Variants in ACTL6B observed in about 807,000 individuals in gnomAD.
ACTL6B encodes the protein actin-like protein 6B.
In ACTL6B, 48 loss-of-function variants were observed where a neutral mutation model predicts 63.3. The ratio of observed to expected loss-of-function variants is 0.76; its 90% CI spans 0.60 to 0.96. The LOEUF is 0.96. ACTL6B is among the 50% of genes least tolerant of loss of function. ACTL6B has a pLI of 0.00. For synonymous variants in ACTL6B, 230 were observed against 223.8 expected (o/e 1.03, Z -0.25); for missense variants, 350 against 572.2 (o/e 0.61, Z 3.96).
rs374404962 is a variant in ACTL6B at position 100,655,619 on chromosome 7, G to A, written c.103-33C>T. 1.0e-5 allele frequency: 16 copies of A among 1,596,592 alleles called. No individual in the cohort carries two copies. The highest frequency in any genetic ancestry group is 1.4e-5 in the Non-Finnish European group (16 of 1,171,954). ...GGAAGGGTTGGGGGAGTATTGGCAGGGAGAGAGGTCACCCTCTTGCCCCTG... is the reference window on the plus strand; with the variant it reads ...GGAAGGGTTGGGGGAGTATTGGCAGAGAGAGAGGTCACCCTCTTGCCCCTG... On this transcript the variant is annotated intron_variant, in intron 2 of 13. Coordinates refer to ENST00000160382, the MANE Select transcript of ACTL6B (RefSeq NM_016188.5). The surrounding 1 kb of genome is among the most constrained non-coding windows in gnomAD (Gnocchi z 4.4).
Position 100,655,819 on chromosome 7 carries a change from C to A in ACTL6B, c.86G>T (p.Gly29Val). 6.4e-7 allele frequency: 1 copy of A among 1,572,938 alleles called. No homozygotes were observed. Among genetic ancestry groups the A allele is most frequent in the Non-Finnish European group, 8.6e-7 (1 of 1,158,622 alleles). The part of the protein sequence containing the change: ...GSFSVRAGYA[G>V]EDCPKADFPT... ...AAGGCTCACCTTGGGACAGTCCTCC[C>A]CAGCGTACCCAGCGCGGACTGAGAA... Residue 29 changes from glycine (G) to valine (V), a missense_variant, in exon 2 of 14, where the codon GGG (glycine) becomes GTG (valine). Gly to Val is a moderately radical substitution (Grantham distance 109). Transcript: ENST00000160382. The surrounding 1 kb of genome is among the most constrained non-coding windows in gnomAD (Gnocchi z 4.4).
In ACTL6B at chr7:100,648,774, G is replaced by A. The variant is rs1293837515; in HGVS notation, c.517C>T (p.His173Tyr). The stretch of plus-strand genomic sequence containing the variant: ...TCATGTACTGGAATGGCCGTGGTGT[G>A]GGTGGCTCCACTGTCCAGCACGAGG... Reference protein sequence around the residue: ...TGLVLDSGATHTTAIPVHDGY... With the variant: ...TGLVLDSGATYTTAIPVHDGY... The change falls in exon 6 of 14, where the codon CAC becomes TAC. Residue 173 changes from histidine (H) to tyrosine (Y), a missense_variant. By Grantham distance (83) the His-to-Tyr change is moderately conservative. Coordinates refer to ENST00000160382, the MANE Select transcript of ACTL6B (RefSeq NM_016188.5). The surrounding 1 kb of genome is among the most constrained non-coding windows in gnomAD (Gnocchi z 4.4). 1 of 1,614,058 alleles carries A rather than the reference G, an allele frequency of 6.2e-7. No homozygotes were observed. Among genetic ancestry groups the A allele is most frequent in the African/African-American group, 1.3e-5 (1 of 75,046 alleles).
rs1183006213 is a variant in ACTL6B at position 100,647,754 on chromosome 7, G to A, written c.670-221C>T. On this transcript the variant is annotated intron_variant, in intron 7 of 13. Coordinates refer to ENST00000160382, the MANE Select transcript of ACTL6B (RefSeq NM_016188.5). The surrounding 1 kb of genome is among the most constrained non-coding windows in gnomAD (Gnocchi z 4.4). The stretch of plus-strand genomic sequence containing the variant: ...ATGCGGTGGGTGCAGCTGATCTGGA[G>A]AACACCAGGAATACAGCAGTGACAG... 1 of 526,684 alleles carries A rather than the reference G, an allele frequency of 1.9e-6. No homozygotes were observed. Among genetic ancestry groups the A allele is most frequent in the African/African-American group, 1.9e-5 (1 of 52,830 alleles). The allele number at this position is 526,684 out of a possible 1,614,324, so 32.6% of individuals were successfully genotyped here. A position where few individuals can be genotyped will look rare whatever the true frequency, so the allele number is the denominator to read the frequency against.
intron 1 of ACTL6B, 75 bp downstream of exon 1, chr7:100,656,255 G>C: frequency 7.4e-7 from 1 of 1,357,610 alleles, no homozygotes; most frequent in Non-Finnish European, 9.5e-7. Flanking sequence ...AGGCCCCGGG[G>C]TGCCCAGAGC....
intron 13 of ACTL6B, among the ~76,000 whole-genome samples, chr7:100,644,393 C>T (rs1803781143): frequency 6.6e-6 from 1 of 152,162 alleles, no homozygotes; most frequent in South Asian, 2.1e-4. Flanking sequence ...CACTAGCTTC[C>T]TGTAGCTCAC....
intron 4 of ACTL6B, among the ~76,000 whole-genome samples, chr7:100,653,967 A>C (rs1803988068): frequency 6.6e-6 from 1 of 151,500 alleles, no homozygotes; most frequent in African/African-American, 2.4e-5. Flanking sequence ...TTTTTAAATG[A>C]GGTTTTAAAT....
intron 13 of ACTL6B, among the ~76,000 whole-genome samples, chr7:100,645,404 A>G (rs562171793): frequency 4.4e-4 from 67 of 152,098 alleles, no homozygotes; most frequent in African/African-American, 1.5e-3. Context: ...ACTGCTACCC[A>G]TGCTATGACT....
intron 4 of ACTL6B, among the ~76,000 whole-genome samples, chr7:100,652,074 T>A (rs1803949565): frequency 1.3e-5 from 2 of 152,184 alleles, no homozygotes; most frequent in South Asian, 2.1e-4. Context: ...ACCAGGTCAG[T>A]GGGCTCCTGA....
intron 4 of ACTL6B, among the ~76,000 whole-genome samples, chr7:100,650,905 ATAAT>A (rs1186967547): frequency 6.6e-6 from 1 of 152,204 alleles, no homozygotes; most frequent in Non-Finnish European, 1.5e-5. Context: ...AGAGAAATAA[ATAAT>A]TAAATAAATA....
In ACTL6B at chr7:100,650,024, A is replaced by T; in HGVS notation, c.467+14T>A. The T allele has an allele frequency of 6.2e-7, 1 of 1,612,592 alleles. No homozygotes were observed. The highest frequency in any genetic ancestry group is 2.2e-5 in the East Asian group (1 of 44,844). The stretch of plus-strand genomic sequence containing the variant: ...GCCCTCCACCCAGTCAGAGCAGCTC[A>T]GTCCAGAGGATACGCGGTGAGCACA... On this transcript the variant is annotated intron_variant, in intron 5 of 13. Transcript: ENST00000160382.
chr7:100,648,537 A>G lies in ACTL6B; in HGVS notation c.669+19T>C, dbSNP rs1437113342. 3 of 1,568,120 alleles carry G rather than the reference A, an allele frequency of 1.9e-6. No homozygotes were observed. In the East Asian group the frequency reaches 6.9e-5, roughly 36 times the overall value. ...TGGCCAGGACTCTAGTGGCAGCTCC[A>G]TGTCCCCAGAGGCCCCACCTTGGCT... On this transcript the variant is annotated intron_variant, in intron 7 of 13. Transcript: ENST00000160382. The surrounding 1 kb of genome is among the most constrained non-coding windows in gnomAD (Gnocchi z 4.4).
At position 100,655,927 on chromosome 7, in the gene ACTL6B, C is replaced by A; in HGVS notation, c.26-48G>T. On this transcript the variant is annotated intron_variant, in intron 1 of 13. Transcript: ENST00000160382. This position sits in a 1 kb window ranked among gnomAD's most constrained non-coding sequence, Gnocchi z 4.4. ...AAGGGGACCTCCCCCGAACTCTCTCCCGCTAGGTAGCTCCGAGAGAAAGTC... is the reference window on the plus strand; with the variant it reads ...AAGGGGACCTCCCCCGAACTCTCTCACGCTAGGTAGCTCCGAGAGAAAGTC... 1 of 1,527,050 alleles carries A rather than the reference C, an allele frequency of 6.5e-7. No homozygotes were observed. 94.6% of individuals were successfully genotyped at this position (1,527,050 alleles called of 1,614,324 possible). A position where few individuals can be genotyped will look rare whatever the true frequency, so the allele number is the denominator to read the frequency against.
chr7:100,655,803 C>T lies in ACTL6B; in HGVS notation c.102G>A (p.Lys34=), dbSNP rs760970460. ...RAGYAGEDCP[K]ADFPTTVGLL... ...TTGGAGAGGAGACTGGAAGGCTCACCTTGGGACAGTCCTCCCCAGCGTACC... is the reference window on the plus strand; with the variant it reads ...TTGGAGAGGAGACTGGAAGGCTCACTTTGGGACAGTCCTCCCCAGCGTACC... The change falls in exon 2 of 14, where the codon AAG becomes AAA. Residue 34 remains lysine (K), a splice_region_variant and synonymous_variant. Coordinates refer to ENST00000160382, the MANE Select transcript of ACTL6B (RefSeq NM_016188.5). This position sits in a 1 kb window ranked among gnomAD's most constrained non-coding sequence, Gnocchi z 4.4. The T allele has an allele frequency of 6.4e-7, 1 of 1,566,974 alleles. No individual in the cohort carries two copies. The highest frequency in any genetic ancestry group is 8.7e-7 in the Non-Finnish European group (1 of 1,155,282).
chr7:100,643,622 C>G (rs1803764041), intron 13 of ACTL6B, among the ~76,000 whole-genome samples: 1 of 152,184 alleles, frequency 6.6e-6, no homozygotes, highest in Non-Finnish European at 1.5e-5. Flanking sequence ...GCACGCACAG[C>G]CCCAGGCCAG....
chr7:100,646,514 G>A lies in ACTL6B; in HGVS notation c.1113+37C>T, dbSNP rs201234711. 751 of 1,596,396 alleles carry A rather than the reference G, an allele frequency of 4.7e-4. No homozygotes were observed. The highest frequency in any genetic ancestry group is 6.0e-4 in the Non-Finnish European group (696 of 1,164,154). On this transcript the variant is annotated intron_variant, in intron 12 of 13. Transcript: ENST00000160382. This position sits in a 1 kb window ranked among gnomAD's most constrained non-coding sequence, Gnocchi z 6.1. ...CAGTCCTGGACAGCTGAGCCAGGAC[G>A]GGTGTCCAGGGCTCTGGGTCAGGGG...
At chr7:100,644,710 G>A (rs898872375) in intron 13 of ACTL6B, among the ~76,000 whole-genome samples, 2 of 150,364 alleles carry the variant, frequency 1.3e-5, no homozygotes, top group African/African-American at 4.9e-5. Flanking sequence ...GCCTCTCAAA[G>A]TGCTGGGATT....
At chr7:100,650,945 A>G (rs1320398613) in intron 4 of ACTL6B, among the ~76,000 whole-genome samples, 2 of 152,202 alleles carry the variant, frequency 1.3e-5, no homozygotes, top group Non-Finnish European at 2.9e-5. Flanking sequence ...ATTGAAAGAC[A>G]TATGTTTTCA....
chr7:100,654,058 C>T (rs1187587901), intron 4 of ACTL6B, among the ~76,000 whole-genome samples: 10 of 151,776 alleles, frequency 6.6e-5, no homozygotes, highest in Non-Finnish European at 8.8e-5. Context: ...CTGCAAGCTC[C>T]GCCTCCCGGG....
At chr7:100,651,314 G>T (rs1803935418) in intron 4 of ACTL6B, among the ~76,000 whole-genome samples, 3 of 152,062 alleles carry the variant, frequency 2.0e-5, no homozygotes, top group African/African-American at 4.8e-5. Flanking sequence ...GCTTTGGGAG[G>T]CCAAGGCGGG....
Sources: allele counts gnomAD v4.1 joint callset (sites outside exome capture counted in the v4.1 genomes callset), GRCh38; gene constraint gnomAD v4.1.1; non-coding constraint Gnocchi (gnomAD v3.1); transcripts MANE v1.5; gene names NCBI Gene and HGNC (gene_info 2026-07-23, HGNC 2026-07-21).